Variants in DEFB124 observed in about 807,000 individuals in gnomAD.
DEFB124 encodes beta-defensin 124.
For synonymous variants in DEFB124, 38 were observed against 36.5 expected, an observed-to-expected ratio of 1.04 and a Z score of -0.15; for missense variants, 78 against 83.1, an observed-to-expected ratio of 0.94 and a Z score of 0.24.
intron 2 of DEFB124, among the ~76,000 whole-genome samples, chr20:31,472,273 C>T (rs1196894152): frequency 6.6e-6 from 1 of 152,192 alleles, no homozygotes; most frequent in African/African-American, 2.4e-5. Flanking sequence ...CGTGGTGGCG[C>T]GCGCCTGCAA....
chr20:31,469,293 C>T (rs1261459588), intron 2 of DEFB124, among the ~76,000 whole-genome samples: 1 of 152,072 alleles, frequency 6.6e-6, no homozygotes, highest in Non-Finnish European at 1.5e-5. Context: ...CATGGTGGCA[C>T]ATGCCTGTAA....
At chr20:31,472,367 C>T (rs916343450) in intron 2 of DEFB124, among the ~76,000 whole-genome samples, 3 of 148,810 alleles carry the variant, frequency 2.0e-5, no homozygotes, top group African/African-American at 4.9e-5. Flanking sequence ...AGTCCAGCTT[C>T]GGCTCGGCAT....
chr20:31,466,297 G>A (rs559903839), intron 2 of DEFB124, among the ~76,000 whole-genome samples: 18 of 151,850 alleles, frequency 1.2e-4, no homozygotes, highest in African/African-American at 4.3e-4. Context: ...CTGAGGCTCA[G>A]TGAGGTTAAT....
At chr20:31,468,271 T>C (rs1004335720) in intron 2 of DEFB124, among the ~76,000 whole-genome samples, 1 of 152,172 alleles carries the variant, frequency 6.6e-6, no homozygotes, top group Non-Finnish European at 1.5e-5. Context: ...CCCTTGATGC[T>C]CCCTCTACCT....
intron 2 of DEFB124, among the ~76,000 whole-genome samples, chr20:31,470,796 T>C (rs1600568078): frequency 9.8e-6 from 1 of 101,858 alleles, no homozygotes; most frequent in Non-Finnish European, 2.0e-5. Context: ...GAGGCGCCCC[T>C]CACCTCCCGG....
At position 31,469,940 on chromosome 20, in the gene DEFB124, GC is replaced by G. The variant is rs1363081579; in HGVS notation, c.58+3015del. ...CCACAAAACCGCCATTGTCATCCCG[GC>G]CCGTTCTCAATGAGCTGTTGGGTAC... On this transcript the variant is annotated intron_variant, in intron 2 of 2. Transcript: ENST00000317676. Among the ~76,000 whole-genome samples the G allele has an allele frequency of 2.0e-5, 3 of 150,178 alleles. No homozygotes were observed. The East Asian group carries it at 5.8e-4, about 29-fold the overall frequency.
At chr20:31,469,163 C>T (rs930464507) in intron 2 of DEFB124, among the ~76,000 whole-genome samples, 9 of 152,170 alleles carry the variant, frequency 5.9e-5, no homozygotes, top group Non-Finnish European at 1.2e-4. Context: ...TGGCTCATGT[C>T]TGTAATCCTA....
At chr20:31,465,695 A>G in intron 2 of DEFB124, 32 bp from the exon 3 acceptor site, 1 of 1,609,740 alleles carries the variant, frequency 6.2e-7, no homozygotes, top group South Asian at 1.1e-5. Flanking sequence ...GTCACAGAGC[A>G]GCCCATGGGT....
At position 31,467,235 on chromosome 20, in the gene DEFB124, A is replaced by G. The variant is rs193042795; in HGVS notation, c.59-1572T>C. ...TCTGGATTAAAACACATCCCATGTA[A>G]TCCTCAAATGATGCCTTAGGCATAT... is the stretch of plus-strand genomic sequence containing the variant. On this transcript the variant is annotated intron_variant, in intron 2 of 2. Coordinates refer to ENST00000317676, the MANE Select transcript of DEFB124 (RefSeq NM_001037500.2). Among the ~76,000 whole-genome samples the G allele has an allele frequency of 1.3e-3, 204 of 152,328 alleles. 2 individuals carry two copies. The highest frequency in any genetic ancestry group is 3.4e-3 in the Middle Eastern group (1 of 294).
At chr20:31,472,821 C>T in intron 2 of DEFB124, 135 bp downstream of exon 2, 3 of 1,137,182 alleles carry the variant, frequency 2.6e-6, no homozygotes, top group Non-Finnish European at 3.5e-6. Context: ...AGTTGCCCAC[C>T]AAGTCAGTGG....
At chr20:31,474,082 G>T (rs1980408528) in intron 1 of DEFB124, among the ~76,000 whole-genome samples, 1 of 152,234 alleles carries the variant, frequency 6.6e-6, no homozygotes, top group Non-Finnish European at 1.5e-5. Context: ...CAGAGAATAG[G>T]TTGGGGCTTG....
At chr20:31,465,917 G>A (rs1435033464) in intron 2 of DEFB124, among the ~76,000 whole-genome samples, 2 of 152,210 alleles carry the variant, frequency 1.3e-5, no homozygotes, top group East Asian at 3.8e-4. Context: ...AGCACTTTGG[G>A]AGGCTGAGGC....
chr20:31,472,704 A>G (rs764750640), intron 2 of DEFB124: 9 of 441,750 alleles, frequency 2.0e-5, no homozygotes, highest in Non-Finnish European at 3.2e-5. Context: ...CATGTCTTTC[A>G]CTGTTATTAT....
intron 2 of DEFB124, among the ~76,000 whole-genome samples, chr20:31,470,878 G>T (rs1600568232): frequency 7.1e-6 from 1 of 140,918 alleles, no homozygotes; most frequent in African/African-American, 2.6e-5. Context: ...GCCGGGCGGG[G>T]GGCTGAGCCC....
chr20:31,469,958 G>A (rs1285402428), intron 2 of DEFB124, among the ~76,000 whole-genome samples: 2 of 150,416 alleles, frequency 1.3e-5, no homozygotes, highest in African/African-American at 2.5e-5. Flanking sequence ...TCAATGAGCT[G>A]TTGGGTACAC....
chr20:31,472,914 T>A, intron 2 of DEFB124, 42 bp downstream of exon 2: 1 of 1,349,000 alleles, frequency 7.4e-7, no homozygotes, highest in Non-Finnish European at 1.0e-6. Flanking sequence ...CAAGCACACA[T>A]GTGCACACAC....
intron 2 of DEFB124, among the ~76,000 whole-genome samples, chr20:31,470,916 G>A (rs1235055238): frequency 1.5e-4 from 21 of 135,920 alleles, no homozygotes; most frequent in Admixed American, 2.1e-4. Flanking sequence ...CGGGGTGGCT[G>A]GCCCGGCAGA....
intron 1 of DEFB124, among the ~76,000 whole-genome samples, 37 bp downstream of exon 1, chr20:31,474,590 C>T (rs1600572141): frequency 6.6e-6 from 1 of 152,122 alleles, no homozygotes; most frequent in Non-Finnish European, 1.5e-5. Flanking sequence ...CTTGGATGGC[C>T]GACGTCACCA....
intron 1 of DEFB124, among the ~76,000 whole-genome samples, chr20:31,473,839 T>C (rs1356888824): frequency 6.6e-6 from 1 of 152,220 alleles, no homozygotes; most frequent in African/African-American, 2.4e-5. Flanking sequence ...CCCGGCAAAA[T>C]GTGGCTTAAC....
Sources: gnomAD v4.1 joint callset for allele counts (sites outside exome capture counted in the v4.1 genomes callset) on GRCh38, gnomAD v4.1.1 for gene constraint, MANE v1.5 for transcripts, NCBI Gene and HGNC (gene_info 2026-07-23, HGNC 2026-07-21) for gene names.